The following TYW1 variants were observed in gnomAD, a reference collection of about 807,000 sequenced individuals.
TYW1 encodes the protein tRNA-yW synthesizing protein 1 homolog, also known as S-adenosyl-L-methionine-dependent tRNA 4-demethylwyosine synthase TYW1.
Under a neutral mutation model 96.2 loss-of-function variants are expected in TYW1, and 46 were observed. The ratio of observed to expected loss-of-function variants is 0.48; its 90% CI spans 0.38 to 0.61. The LOEUF (loss-of-function observed/expected upper bound fraction) is 0.61, where lower values mean the gene tolerates loss of function less well. Ranked by LOEUF, TYW1 falls within the 20% of genes least tolerant of loss-of-function variation. TYW1 has a pLI of 0.00. For synonymous variants in TYW1, 274 were observed against 323.0 expected, an observed-to-expected ratio of 0.85 and a Z score of 1.63; for missense variants, 684 against 909.6, an observed-to-expected ratio of 0.75 and a Z score of 3.19.
intron 15 of TYW1, among the ~76,000 whole-genome samples, chr7:67,199,673 C>G (rs2116356852): frequency 6.6e-6 from 1 of 152,328 alleles, no homozygotes. Flanking sequence ...GAATTCTACT[C>G]TTTGTCCCAG....
intron 15 of TYW1, 114 bp downstream of exon 15, chr7:67,195,451 C>A: frequency 1.3e-6 from 2 of 1,509,658 alleles, no homozygotes; most frequent in Non-Finnish European, 1.8e-6. Flanking sequence ...TTGTTTGCTA[C>A]CTTTCCCAAA....
At chr7:67,113,602 T>TA (rs1797495444) in intron 12 of TYW1, among the ~76,000 whole-genome samples, 1 of 152,016 alleles carries the variant, frequency 6.6e-6, no homozygotes, top group African/African-American at 2.4e-5. Flanking sequence ...CCTTGACGCT[T>TA]ACTGTTTTTC....
rs144065014 is a variant in TYW1 at position 67,084,723 on chromosome 7, C to T, written c.1384+1184C>T. Among the ~76,000 whole-genome samples, 773 of 152,224 alleles carry T rather than the reference C, an allele frequency of 5.1e-3. 3 individuals are homozygous for T. The highest frequency in any genetic ancestry group is 0.01 in the Middle Eastern group (3 of 294). ...GAAGATGGGGTCTAGCCATGTTGTC[C>T]AGGCTGGTCTCAAACTCTTGGACTC... On this transcript the variant is annotated intron_variant, in intron 11 of 15. Transcript: ENST00000359626.
intron 7 of TYW1, among the ~76,000 whole-genome samples, chr7:67,049,389 T>C (rs1417142686): frequency 1.3e-5 from 2 of 152,166 alleles, no homozygotes; most frequent in Admixed American, 1.3e-4. Context: ...TTATGGTTTT[T>C]GGATATGTAT....
intron 13 of TYW1, among the ~76,000 whole-genome samples, chr7:67,133,377 A>G (rs918030901): frequency 6.6e-6 from 1 of 152,046 alleles, no homozygotes; most frequent in African/African-American, 2.4e-5. Flanking sequence ...TCCTGGCCTC[A>G]AGTGATCCTC....
intron 11 of TYW1, among the ~76,000 whole-genome samples, chr7:67,088,640 T>G (rs1158051552): frequency 6.6e-6 from 1 of 152,184 alleles, no homozygotes. Flanking sequence ...CATAGCTCAC[T>G]GCAGCCTCAA....
chr7:67,167,848 G>C (rs1799394647), intron 13 of TYW1, among the ~76,000 whole-genome samples: 1 of 151,904 alleles, frequency 6.6e-6, no homozygotes, highest in Non-Finnish European at 1.5e-5. Flanking sequence ...TCTGCCTCCT[G>C]AGTTCAAGCG....
At chr7:67,124,348 C>G (rs1196218464) in intron 13 of TYW1, among the ~76,000 whole-genome samples, 1 of 152,272 alleles carries the variant, frequency 6.6e-6, no homozygotes, top group Middle Eastern at 3.4e-3. Context: ...ATCCTCCTGC[C>G]TCAGCCTCCC....
intron 13 of TYW1, among the ~76,000 whole-genome samples, chr7:67,164,073 A>G (rs1584640634): frequency 6.6e-6 from 1 of 152,312 alleles, no homozygotes; most frequent in East Asian, 1.9e-4. Flanking sequence ...ATACTATTAA[A>G]AAGTGTGTAT....
intron 13 of TYW1, among the ~76,000 whole-genome samples, chr7:67,145,687 G>C (rs938013611): frequency 1.3e-5 from 2 of 152,068 alleles, no homozygotes; most frequent in African/African-American, 4.8e-5. Context: ...ATGCCTTCCT[G>C]CTGCCCACTG....
chr7:67,046,886 G>C (rs1795204750), intron 7 of TYW1, among the ~76,000 whole-genome samples: 1 of 152,140 alleles, frequency 6.6e-6, no homozygotes, highest in Non-Finnish European at 1.5e-5. Flanking sequence ...TCTAGTGAAG[G>C]GACAGGGACA....
At position 67,232,627 on chromosome 7, in the gene TYW1, T is replaced by C. The variant is rs1215986716; in HGVS notation, c.1978-5681T>C. ...CTCTATCTTGGAGTGATCTGCTGGA[T>C]CATTTCCTTAGGGAATCCCAACCTC... On this transcript the variant is annotated intron_variant, in intron 15 of 15. Coordinates refer to ENST00000359626, the MANE Select transcript of TYW1 (RefSeq NM_018264.4). Among the ~76,000 whole-genome samples, 2 of 134,408 alleles carry C rather than the reference T, an allele frequency of 1.5e-5. 1 individual carries two copies. The highest frequency in any genetic ancestry group is 6.0e-5 in the African/African-American group (2 of 33,500). The allele number at this position is 134,408 out of a possible 152,430, so 88.2% of individuals were successfully genotyped here. A position where few individuals can be genotyped will look rare whatever the true frequency, so the allele number is the denominator to read the frequency against.
rs113909286 is a variant in TYW1 at position 67,043,765 on chromosome 7, T to C, written c.985-6184T>C. ...GAGTCCCCATGTTATCTTGTTAAGG[T>C]AGGTTATCCAAAATAGAATTACGGT... On this transcript the variant is annotated intron_variant, in intron 7 of 15. Transcript: ENST00000359626. Among the ~76,000 whole-genome samples the C allele has an allele frequency of 4.8e-4, 73 of 152,270 alleles. 1 individual carries two copies. The highest frequency in any genetic ancestry group is 1.7e-3 in the African/African-American group (70 of 41,546).
intron 4 of TYW1, among the ~76,000 whole-genome samples, chr7:67,011,417 TAG>T (rs1484363623): frequency 7.2e-5 from 11 of 152,390 alleles, no homozygotes; most frequent in African/African-American, 2.4e-4. Flanking sequence ...CATGCCCAGT[TAG>T]GGGATTTCAC....
intron 8 of TYW1, among the ~76,000 whole-genome samples, chr7:67,053,081 CTTTTTTTTTTT>C (rs35579526): frequency 7.7e-6 from 1 of 129,776 alleles, no homozygotes; most frequent in African/African-American, 2.9e-5. Flanking sequence ...CAGTTTTAAG[CTTTTTTTTTTT>C]TTTTTTTTTC....
intron 15 of TYW1, among the ~76,000 whole-genome samples, chr7:67,238,031 G>C (rs1484839445): frequency 3.3e-5 from 5 of 152,010 alleles, no homozygotes; most frequent in Non-Finnish European, 7.4e-5. Flanking sequence ...TTAACCCTGT[G>C]TCAGCGGGAC....
chr7:67,153,928 T>TC (rs1453972803), intron 13 of TYW1, among the ~76,000 whole-genome samples: 1 of 81,412 alleles, frequency 1.2e-5, no homozygotes, highest in Non-Finnish European at 2.5e-5. Flanking sequence ...CGACTTTCTT[T>TC]TTTTTTTTTT....
chr7:67,013,219 C>T (rs1305976764), intron 4 of TYW1, among the ~76,000 whole-genome samples: 1 of 151,524 alleles, frequency 6.6e-6, no homozygotes, highest in African/African-American at 2.4e-5. Context: ...GCCTCCTGGG[C>T]TCAAGCAGTT....
chr7:67,118,878 GAAAAAAAAAAAAAA>G (rs60194362), intron 13 of TYW1, among the ~76,000 whole-genome samples: 17 of 72,242 alleles, frequency 2.4e-4, no homozygotes, highest in Admixed American at 3.5e-4. Context: ...ACCCCTATCT[GAAAAAAAAAAAAAA>G]AAAAAAAAAA....
Sources: gnomAD v4.1 joint callset for allele counts (sites outside exome capture counted in the v4.1 genomes callset) on GRCh38, gnomAD v4.1.1 for gene constraint, MANE v1.5 for transcripts, NCBI Gene and HGNC (gene_info 2026-07-23, HGNC 2026-07-21) for gene names.